Variants in MRPL34 observed in about 807,000 individuals in gnomAD.
The protein encoded by MRPL34 is mitochondrial ribosomal protein L34, also known as large ribosomal subunit protein bL34m.
In MRPL34, 8 loss-of-function variants were observed where a neutral mutation model predicts 6.7. That is an observed-to-expected ratio of 1.20 (90% CI 0.70 to 2.16). The LOEUF is 2.16. Ranked by LOEUF, MRPL34 falls within the 30% of genes most tolerant of loss-of-function variation. The pLI is 0.00. For missense variants in MRPL34, 146 were observed against 125.5 expected, an observed-to-expected ratio of 1.16 and a Z score of -0.78; for synonymous variants, 59 against 55.1, an observed-to-expected ratio of 1.07 and a Z score of -0.31.
intron 1 of MRPL34, among the ~76,000 whole-genome samples, chr19:17,293,121 A>T (rs2074078462): frequency 7.2e-6 from 1 of 139,692 alleles, no homozygotes; most frequent in South Asian, 2.2e-4. Context: ...TTTGAGACAG[A>T]GTCTTGCTCT....
upstream of MRPL34, among the ~76,000 whole-genome samples, chr19:17,304,938 T>TC (rs1442024556): frequency 1.3e-5 from 2 of 152,016 alleles, no homozygotes; most frequent in South Asian, 4.1e-4. Context: ...TGCTACCATG[T>TC]CCCCAGGCTG....
At chr19:17,295,600 G>T (rs1345920581) in intron 1 of MRPL34, among the ~76,000 whole-genome samples, 1 of 151,832 alleles carries the variant, frequency 6.6e-6, no homozygotes, top group Non-Finnish European at 1.5e-5. Flanking sequence ...TAGACACAGG[G>T]TTTCAGCATG....
upstream of MRPL34, chr19:17,301,500 C>T: frequency 2.5e-6 from 4 of 1,611,884 alleles, no homozygotes; most frequent in Non-Finnish European, 3.4e-6. Context: ...CGCGGCCGGG[C>T]TTGACCTCTA....
chr19:17,293,094 CTTTCT>C (rs2074078150), intron 1 of MRPL34, among the ~76,000 whole-genome samples: 1 of 99,004 alleles, frequency 1.0e-5, no homozygotes, highest in Admixed American at 1.0e-4. Flanking sequence ...TTTTTCTTTT[CTTTCT>C]TTTTTTTTTT....
chr19:17,298,775 C>CTGT (rs1288942832), upstream of MRPL34, among the ~76,000 whole-genome samples: 1 of 117,262 alleles, frequency 8.5e-6, no homozygotes, highest in Non-Finnish European at 1.6e-5. Context: ...GAGTCTCACT[C>CTGT]TGTTGCTCAG....
intron 1 of MRPL34, chr19:17,294,338 C>A: frequency 6.2e-7 from 1 of 1,612,470 alleles, no homozygotes; most frequent in Non-Finnish European, 8.5e-7. Context: ...TCGTGCATGC[C>A]GTGGACAAGC....
chr19:17,306,010 A>G, intron 1 of MRPL34, 53 bp downstream of exon 1: 1 of 1,602,658 alleles, frequency 6.2e-7, no homozygotes, highest in Admixed American at 1.7e-5. Flanking sequence ...GCGGCTTCGG[A>G]GGCTGGCGCC....
chr19:17,292,723 G>T (rs1398782281), exon 1 of MRPL34: 2 of 1,613,718 alleles, frequency 1.2e-6, no homozygotes, highest in East Asian at 2.2e-5. Flanking sequence ...GAGGGCTCGG[G>T]CTCCCAGAGC....
upstream of MRPL34, chr19:17,301,309 A>G (rs1233485170): frequency 6.2e-7 from 1 of 1,607,552 alleles, no homozygotes; most frequent in Admixed American, 1.7e-5. Context: ...CCCGTGTAGG[A>G]GGTCGGCTCG....
intron 1 of MRPL34, chr19:17,292,885 C>T: frequency 6.4e-7 from 1 of 1,569,164 alleles, no homozygotes; most frequent in Non-Finnish European, 8.7e-7. Flanking sequence ...GGAGAGAGGC[C>T]AGGCTTCCCT....
At chr19:17,301,149 C>A, upstream of MRPL34, 3 of 1,611,866 alleles carry the variant, frequency 1.9e-6, no homozygotes, top group Non-Finnish European at 2.5e-6. Context: ...TATGGATGGT[C>A]CTCTTGGGGC....
intron 1 of MRPL34, chr19:17,294,359 C>T (rs1255326358): frequency 3.1e-6 from 5 of 1,613,506 alleles, no homozygotes; most frequent in East Asian, 2.2e-5. Flanking sequence ...AGGACGGGCA[C>T]GGTGAGCTCG....
intron 1 of MRPL34, 76 bp from the exon 2 acceptor site, chr19:17,306,090 G>C: frequency 6.7e-7 from 1 of 1,489,194 alleles, no homozygotes; most frequent in Non-Finnish European, 9.1e-7. Context: ...TCCGGGAGCC[G>C]AGGCTCAGAG....
chr19:17,295,089 A>ATTT, intron 1 of MRPL34, among the ~76,000 whole-genome samples: 1 of 65,868 alleles, frequency 1.5e-5, no homozygotes, highest in Non-Finnish European at 3.3e-5. Flanking sequence ...ACACCCAGGT[A>ATTT]ATTTTTTTTT....
chr19:17,301,023 A>C (rs1406132376), upstream of MRPL34: 8 of 1,613,392 alleles, frequency 5.0e-6, no homozygotes, highest in Non-Finnish European at 6.8e-6. Flanking sequence ...CTAGGCGCAC[A>C]AAGAAGTCCA....
At chr19:17,294,420 C>A in intron 1 of MRPL34, 1 of 1,614,106 alleles carries the variant, frequency 6.2e-7, no homozygotes, top group East Asian at 2.2e-5. Context: ...TCATCATGGC[C>A]CGGAGTACGA....
At chr19:17,294,594 A>C (rs1030638552) in intron 1 of MRPL34, 12 of 1,607,280 alleles carry the variant, frequency 7.5e-6, no homozygotes, top group Non-Finnish European at 1.0e-5. Flanking sequence ...CCAGCGGTAC[A>C]GTCCCCCCTC....
upstream of MRPL34, chr19:17,305,523 G>C: frequency 3.5e-6 from 1 of 284,306 alleles, no homozygotes; most frequent in Non-Finnish European, 6.9e-6. Context: ...CCAACCAGCC[G>C]CTTCCTGCAG....
intron 1 of MRPL34, chr19:17,294,445 A>G: frequency 6.2e-7 from 1 of 1,614,150 alleles, no homozygotes; most frequent in Non-Finnish European, 8.5e-7. Context: ...TGACACGTTG[A>G]AAGCGTTGCC....
Sources: gnomAD v4.1 joint callset for allele counts (sites outside exome capture counted in the v4.1 genomes callset) on GRCh38, gnomAD v4.1.1 for gene constraint, MANE v1.5 for transcripts, NCBI Gene and HGNC (gene_info 2026-07-23, HGNC 2026-07-21) for gene names.